STOML3: variants seen among roughly 807,000 people sequenced by gnomAD.
STOML3 encodes the protein stomatin-like protein 3.
In STOML3, 31 loss-of-function variants were observed where a neutral mutation model predicts 29.5. That is an observed-to-expected ratio of 1.05 (90% confidence interval 0.79 to 1.42). The LOEUF (loss-of-function observed/expected upper bound fraction) is 1.42, where lower values mean the gene tolerates loss of function less well. STOML3 is among the 40% of genes most tolerant of loss of function. STOML3 has a pLI of 0.00. For missense variants in STOML3, 380 were observed against 363.0 expected (o/e 1.05, Z -0.38); for synonymous variants, 122 against 139.8 (o/e 0.87, Z 0.90).
In STOML3 at chr13:38,970,320, G is replaced by A. The variant is rs1341022252; in HGVS notation, c.381C>T (p.Val127=). The change falls in exon 5 of 7, where the codon GTC becomes GTT. Residue 127 remains valine (V), a synonymous_variant. Transcript: ENST00000379631. ...GVVYYRIYSA[V]SAVANVNDVH... ...CATCGTTGACATTAGCCACTGCTGA[G>A]ACAGCACTATAGATTCTGTAATAGA... The A allele has an allele frequency of 1.9e-6, 3 of 1,614,022 alleles. No individual in the cohort carries two copies. The highest frequency in any genetic ancestry group is 1.7e-5 in the Admixed American group (1 of 60,002).
intron 1 of STOML3, among the ~76,000 whole-genome samples, chr13:38,979,723 G>A (rs1204956590): frequency 6.6e-6 from 1 of 152,160 alleles, no homozygotes; most frequent in Non-Finnish European, 1.5e-5. Flanking sequence ...TGCCTATACA[G>A]ACAAGGCTGT....
intron 1 of STOML3, among the ~76,000 whole-genome samples, chr13:38,987,920 T>A (rs796679037): frequency 1.6e-5 from 1 of 61,466 alleles, no homozygotes; most frequent in Non-Finnish European, 2.5e-5. Context: ...ATATTATATT[T>A]TATATAATAT....
At chr13:38,980,289 T>A (rs114652777) in intron 1 of STOML3, among the ~76,000 whole-genome samples, 3 of 152,130 alleles carry the variant, frequency 2.0e-5, no homozygotes, top group Non-Finnish European at 2.9e-5. Context: ...TGCTGTCACC[T>A]TCCCTGCAGG....
At chr13:38,972,485 G>T in intron 4 of STOML3, 27 bp downstream of exon 4, 1 of 1,593,782 alleles carries the variant, frequency 6.3e-7, no homozygotes, top group Non-Finnish European at 8.6e-7. Flanking sequence ...GTTTAATTTC[G>T]AGTGACATAT....
intron 1 of STOML3, among the ~76,000 whole-genome samples, chr13:38,977,140 G>A (rs1353786752): frequency 1.3e-5 from 2 of 152,182 alleles, no homozygotes; most frequent in Non-Finnish European, 2.9e-5. Context: ...GTCCACACCA[G>A]AATCATCAGA....
At chr13:38,980,210 C>G (rs936350881) in intron 1 of STOML3, 4 of 1,421,224 alleles carry the variant, frequency 2.8e-6, no homozygotes, top group African/African-American at 1.4e-5. Context: ...ACCCAGGCCG[C>G]GGCTTCTGGG....
chr13:38,966,973 A>G lies in STOML3; in HGVS notation c.728T>C (p.Ile243Thr). The change falls in exon 7 of 7, where the codon ATA becomes ACA. Residue 243 changes from isoleucine (I) to threonine (T), a missense_variant. Ile to Thr is a moderately conservative substitution (Grantham distance 89). Coordinates refer to ENST00000379631, the MANE Select transcript of STOML3 (RefSeq NM_145286.3). ...SASMVLAESP[I>T]ALQLRYLQTL... ...CTGCAGGTAGCGCAGCTGGAGAGCTATGGGAGACTCAGCCAGCACCATGGA... is the reference window on the plus strand; with the variant it reads ...CTGCAGGTAGCGCAGCTGGAGAGCTGTGGGAGACTCAGCCAGCACCATGGA... 3 of 1,614,092 alleles carry G rather than the reference A, an allele frequency of 1.9e-6. No homozygotes were observed. The highest frequency in any genetic ancestry group is 1.3e-5 in the African/African-American group (1 of 75,020).
At chr13:38,989,725 G>A (rs1868921845) in intron 1 of STOML3, among the ~76,000 whole-genome samples, 1 of 152,138 alleles carries the variant, frequency 6.6e-6, no homozygotes, top group Admixed American at 6.6e-5. Flanking sequence ...TCGAACTCCT[G>A]AGCTCAAGTG....
At chr13:38,973,096 TAAAAAA>T (rs71074495) in intron 3 of STOML3, among the ~76,000 whole-genome samples, 3,488 of 31,064 alleles carry the variant, frequency 0.11, 39 homozygotes, top group Admixed American at 0.19. Context: ...CCGTCTCTAC[TAAAAAA>T]AAAAAAAAAA....
At chr13:38,982,250 A>AT (rs1881293490) in intron 1 of STOML3, among the ~76,000 whole-genome samples, 1 of 152,000 alleles carries the variant, frequency 6.6e-6, no homozygotes, top group African/African-American at 2.4e-5. Flanking sequence ...TTTAAAAAAA[A>AT]AATAATAATA....
Position 38,970,234 on chromosome 13 carries a change from G to A in STOML3, c.467C>T (p.Thr156Ile). ...TTLRNVLGTQ[T>I]LSQILAGREE... ...TCGTCCAGCTAAGATCTGGGACAAG[G>A]TCTGTGTCCCTAAGACATTTCTCAG... The change falls in exon 5 of 7, where the codon ACC becomes ATC. Residue 156 changes from threonine to isoleucine, a missense_variant. Thr to Ile is a moderately conservative substitution (Grantham distance 89, BLOSUM62 -1). Transcript: ENST00000379631. 6.2e-7 allele frequency: 1 copy of A among 1,614,098 alleles called. No homozygotes were observed. The highest frequency in any genetic ancestry group is 1.1e-5 in the South Asian group (1 of 91,082).
chr13:38,968,856 A>C (rs1219839065), intron 5 of STOML3, among the ~76,000 whole-genome samples: 2 of 152,068 alleles, frequency 1.3e-5, no homozygotes, highest in Non-Finnish European at 2.9e-5. Context: ...AAATATCCCA[A>C]ATGTGCTTGT....
At chr13:38,978,731 A>G (rs1011164952) in intron 1 of STOML3, among the ~76,000 whole-genome samples, 3 of 152,132 alleles carry the variant, frequency 2.0e-5, no homozygotes, top group Non-Finnish European at 2.9e-5. Context: ...ACTACCTCAA[A>G]TCCATCCCCA....
chr13:38,988,764 A>G (rs1032231815), intron 1 of STOML3, among the ~76,000 whole-genome samples: 8 of 142,892 alleles, frequency 5.6e-5, no homozygotes, highest in Non-Finnish European at 9.1e-5. Context: ...GCTGTCAGGT[A>G]TATCAAGTAT....
At chr13:38,975,333 AGAAAAAC>A (rs1195673788) in intron 3 of STOML3, among the ~76,000 whole-genome samples, 1 of 150,168 alleles carries the variant, frequency 6.7e-6, no homozygotes, top group Non-Finnish European at 1.5e-5. Flanking sequence ...AAAAAAAAAA[AGAAAAAC>A]AAAAAAAAGA....
intron 3 of STOML3, among the ~76,000 whole-genome samples, chr13:38,973,190 A>G (rs9548574): frequency 0.84 from 126,989 of 150,674 alleles, 54,273 homozygotes; most frequent in Admixed American, 0.91. Context: ...GCTGAAGCAG[A>G]AGAATTGCTT....
At chr13:38,987,541 T>G (rs1421471996) in intron 1 of STOML3, among the ~76,000 whole-genome samples, 3 of 150,582 alleles carry the variant, frequency 2.0e-5, no homozygotes. Context: ...CACATAATGT[T>G]CCTGCTGGAA....
chr13:38,973,565 C>T (rs9315642), intron 3 of STOML3, among the ~76,000 whole-genome samples: 52,756 of 151,978 alleles, frequency 0.35, 10,202 homozygotes, highest in East Asian at 0.5. Context: ...TAATTCCACT[C>T]GTGAGGGTGA....
Position 38,967,050 on chromosome 13 carries a change from C to T in STOML3, c.652-1G>A. Reference sequence around the variant, plus strand: ...TCATTTCTCCTTCAGCTGCAAGGACCTGAAATGACAGAAATAAAATCGTTC... The same window carrying T: ...TCATTTCTCCTTCAGCTGCAAGGACTTGAAATGACAGAAATAAAATCGTTC... On this transcript the variant is annotated splice_acceptor_variant, in intron 6 of 6. Coordinates refer to ENST00000379631, the MANE Select transcript of STOML3 (RefSeq NM_145286.3). LOFTEE classifies it high-confidence loss of function. 6.2e-7 allele frequency: 1 copy of T among 1,611,594 alleles called. No individual in the cohort carries two copies. Among genetic ancestry groups the T allele is most frequent in the South Asian group, 1.1e-5 (1 of 90,902 alleles).
Sources: gnomAD v4.1 joint callset for allele counts (sites outside exome capture counted in the v4.1 genomes callset) on GRCh38, gnomAD v4.1.1 for gene constraint, MANE v1.5 for transcripts, NCBI Gene and HGNC (gene_info 2026-07-23, HGNC 2026-07-21) for gene names.